Variants in FREM1 observed in about 807,000 individuals in gnomAD.
FREM1 encodes the protein FRAS1 related extracellular matrix 1, also known as FRAS1-related extracellular matrix protein 1.
In FREM1, 220 loss-of-function variants were observed where a neutral mutation model predicts 210.1. That is an observed-to-expected ratio of 1.05 (90% CI 0.94 to 1.17). The LOEUF (loss-of-function observed/expected upper bound fraction) is 1.17. Ranked by LOEUF, FREM1 falls within the 50% of genes most tolerant of loss-of-function variation. The pLI, the probability that FREM1 is intolerant of heterozygous loss-of-function variation, is 0.00. For missense variants in FREM1, 3,454 were observed against 2,675.5 expected (o/e 1.29, Z -6.42); for synonymous variants, 1,189 against 980.2 (o/e 1.21, Z -3.98).
intron 20 of FREM1, among the ~76,000 whole-genome samples, chr9:14,800,259 A>G (rs1182464944): frequency 6.6e-6 from 1 of 152,076 alleles, no homozygotes; most frequent in Admixed American, 6.6e-5. Context: ...GGTTAACAGA[A>G]AGGTGCGTTC....
chr9:14,780,290 G>A (rs1460881056), intron 24 of FREM1, among the ~76,000 whole-genome samples: 1 of 152,018 alleles, frequency 6.6e-6, no homozygotes, highest in Non-Finnish European at 1.5e-5. Context: ...TTTGACTGGG[G>A]TGCCTGCCTG....
At position 14,746,965 on chromosome 9, in the gene FREM1, C is replaced by A. The variant is rs770077384; in HGVS notation, c.6096G>T (p.Gln2032His). ...HFEEGIQKLY[Q>H]CNGIAWKAWS... is the part of the protein sequence containing the mutation. ...AGGCTTTCCAGGCGATCCCATTGCA[C>A]TGATACAGCTTCTGGATGCCTTCTT... Residue 2032 changes from glutamine (Q) to histidine (H), a missense_variant, in exon 34 of 37, where the codon CAG (glutamine) becomes CAT (histidine). Transcript: ENST00000380880. 1.2e-6 allele frequency: 2 copies of A among 1,613,268 alleles called. No homozygotes were observed. The highest frequency in any genetic ancestry group is 1.7e-6 in the Non-Finnish European group (2 of 1,179,676).
At chr9:14,857,502 G>C in intron 5 of FREM1, 51 bp downstream of exon 5, 1 of 1,449,968 alleles carries the variant, frequency 6.9e-7, no homozygotes, top group South Asian at 1.1e-5. Context: ...TGTGTAACTG[G>C]CTCTCTTACT....
At chr9:14,858,987 A>G (rs1007398744) in intron 4 of FREM1, among the ~76,000 whole-genome samples, 196 bp downstream of exon 4, 1 of 152,206 alleles carries the variant, frequency 6.6e-6, no homozygotes, top group Admixed American at 6.5e-5. Flanking sequence ...ATTACACAGA[A>G]AATAAAGAAC....
intron 10 of FREM1, among the ~76,000 whole-genome samples, chr9:14,830,646 G>A (rs532687335): frequency 7.2e-5 from 11 of 152,006 alleles, no homozygotes; most frequent in Admixed American, 1.3e-4. Context: ...AGCTCCCCCC[G>A]CTCTGTTTCT....
intron 20 of FREM1, among the ~76,000 whole-genome samples, chr9:14,800,325 G>A (rs907811997): frequency 6.6e-6 from 1 of 152,082 alleles, no homozygotes; most frequent in African/African-American, 2.4e-5. Flanking sequence ...TTACAGGCTG[G>A]GAAAAGAAAA....
rs73642425 is a variant in FREM1 at position 14,823,742 on chromosome 9, G to T, written c.2169+283C>A. On this transcript the variant is annotated intron_variant, in intron 12 of 36. Coordinates refer to ENST00000380880, the MANE Select transcript of FREM1 (RefSeq NM_001379081.2). The stretch of plus-strand genomic sequence containing the variant: ...AAACTGAATTTTGTGGAATAAAAAC[G>T]TATACACCAGATACCCAAACTAGAG... Among the ~76,000 whole-genome samples the T allele has an allele frequency of 3.2e-3, 482 of 152,238 alleles. 6 individuals are homozygous for T. The highest frequency in any genetic ancestry group is 0.011 in the African/African-American group (457 of 41,544).
chr9:14,794,642 G>A (rs1852011403), intron 21 of FREM1, among the ~76,000 whole-genome samples: 1 of 152,188 alleles, frequency 6.6e-6, no homozygotes, highest in Admixed American at 6.5e-5. Flanking sequence ...GTCCAGGAAG[G>A]TTAGAAGAGC....
At chr9:14,858,949 G>A (rs1183404120) in intron 4 of FREM1, among the ~76,000 whole-genome samples, 1 of 152,112 alleles carries the variant, frequency 6.6e-6, no homozygotes, top group Non-Finnish European at 1.5e-5. Flanking sequence ...TCTCATTTTA[G>A]AGAGGCTTAG....
chr9:14,831,919 G>A (rs969583723), intron 10 of FREM1, among the ~76,000 whole-genome samples: 1 of 152,158 alleles, frequency 6.6e-6, no homozygotes, highest in Non-Finnish European at 1.5e-5. Context: ...CAAGAGCGAC[G>A]GACAGAGAAT....
intron 22 of FREM1, among the ~76,000 whole-genome samples, chr9:14,792,303 C>CAGAGAG (rs150406422): frequency 2.2e-5 from 3 of 137,766 alleles, no homozygotes; most frequent in East Asian, 4.5e-4. Flanking sequence ...CACACACACA[C>CAGAGAG]AGAGAGAGAG....
intron 24 of FREM1, chr9:14,782,404 C>G (rs113446339): frequency 2.1e-6 from 2 of 945,296 alleles, no homozygotes; most frequent in Non-Finnish European, 2.5e-6. Context: ...TGCATTCAGT[C>G]CTGTGTTCTC....
Position 14,785,291 on chromosome 9 carries a change from A to G in FREM1, c.4178-657T>C, listed in dbSNP as rs148823707. Among the ~76,000 whole-genome samples, 933 of 152,366 alleles carry G rather than the reference A, an allele frequency of 6.1e-3. 14 individuals are homozygous for G. Among genetic ancestry groups the G allele is most frequent in the African/African-American group, 0.021 (875 of 41,588 alleles). ...ACTACAGCTACATGGAACAACACAG[A>G]TGTAGTTTATTAACATTCATTAGTT... On this transcript the variant is annotated intron_variant, in intron 23 of 36. Coordinates refer to ENST00000380880, the MANE Select transcript of FREM1 (RefSeq NM_001379081.2).
chr9:14,774,511 ATCTCTC>A (rs36211636), intron 25 of FREM1, among the ~76,000 whole-genome samples: 5,736 of 136,020 alleles, frequency 0.042, 213 homozygotes, highest in African/African-American at 0.09. Context: ...CCTAAAATAA[ATCTCTC>A]TCTCTCTCTC....
intron 27 of FREM1, among the ~76,000 whole-genome samples, chr9:14,768,121 G>A (rs541585917): frequency 6.6e-6 from 1 of 152,268 alleles, no homozygotes; most frequent in East Asian, 1.9e-4. Flanking sequence ...GGCTATGGGT[G>A]AAGCAGTATC....
intron 1 of FREM1, among the ~76,000 whole-genome samples, chr9:14,898,902 T>C (rs759090226): frequency 2.6e-5 from 4 of 152,080 alleles, no homozygotes; most frequent in Non-Finnish European, 5.9e-5. Flanking sequence ...AGTGAGAAGG[T>C]ATATAGGAAC....
rs564071700 is a variant in FREM1 at position 14,873,514 on chromosome 9, T to C, written c.-267-4270A>G. ...TGTATTTCTGTGGGATCGGTGGTGA[T>C]ATCCACAATATCATTTTTTATTGCA... On this transcript the variant is annotated intron_variant, in intron 1 of 36. Coordinates refer to ENST00000380880, the MANE Select transcript of FREM1 (RefSeq NM_001379081.2). 3.3e-5 allele frequency among the ~76,000 whole-genome samples: 5 copies of C among 152,168 alleles called. No individual in the cohort carries two copies. The South Asian group carries it at 1.0e-3, about 32-fold the overall frequency.
intron 10 of FREM1, among the ~76,000 whole-genome samples, chr9:14,840,038 A>G (rs184348124): frequency 1.3e-5 from 2 of 152,346 alleles, no homozygotes; most frequent in East Asian, 3.9e-4. Context: ...TTCCTTCTTA[A>G]TAGGGATTAC....
intron 28 of FREM1, among the ~76,000 whole-genome samples, chr9:14,756,675 T>G (rs1366336607): frequency 6.6e-6 from 1 of 152,238 alleles, no homozygotes; most frequent in East Asian, 1.9e-4. Flanking sequence ...GCTTTTGTTT[T>G]GTTTGGTTTT....
Sources: gnomAD v4.1 joint callset for allele counts (sites outside exome capture counted in the v4.1 genomes callset) on GRCh38, gnomAD v4.1.1 for gene constraint, MANE v1.5 for transcripts, NCBI Gene and HGNC (gene_info 2026-07-23, HGNC 2026-07-21) for gene names.